PPP1R12A: variants seen among roughly 807,000 people sequenced by gnomAD.
PPP1R12A encodes the protein protein phosphatase 1 regulatory subunit 12A.
In PPP1R12A, 19 loss-of-function variants were observed where a neutral mutation model predicts 139.6. The observed-to-expected ratio is 0.14, with a 90% CI of 0.09 to 0.20. The LOEUF (loss-of-function observed/expected upper bound fraction) is 0.20, where lower values mean the gene tolerates loss of function less well. PPP1R12A is among the 10% of genes least tolerant of loss of function. PPP1R12A has a pLI of 1.00. For synonymous variants in PPP1R12A, 427 were observed against 420.6 expected, an observed-to-expected ratio of 1.02 and a Z score of -0.19; for missense variants, 925 against 1,211.5, an observed-to-expected ratio of 0.76 and a Z score of 3.51.
intron 3 of PPP1R12A, among the ~76,000 whole-genome samples, chr12:79,834,225 G>C (rs897089266): frequency 6.6e-6 from 1 of 152,140 alleles, no homozygotes; most frequent in Non-Finnish European, 1.5e-5. Flanking sequence ...GACATTACAA[G>C]AAATAAAGTG....
At position 79,909,818 on chromosome 12, in the gene PPP1R12A, G is replaced by A. The variant is rs139094205; in HGVS notation, c.237+24877C>T. On this transcript the variant is annotated intron_variant, in intron 1 of 24. Transcript: ENST00000450142. ...TGTTGTTGTTGTTGTTGTTGTTGACGATGTTTTGAGACACAGTCTCACTCT... is the reference window on the plus strand; with the variant it reads ...TGTTGTTGTTGTTGTTGTTGTTGACAATGTTTTGAGACACAGTCTCACTCT... 5.8e-4 allele frequency among the ~76,000 whole-genome samples: 88 copies of A among 151,422 alleles called. No homozygotes were observed. The East Asian group carries it at 0.014, about 24-fold the overall frequency.
At chr12:79,912,875 T>C (rs768325261) in intron 1 of PPP1R12A, among the ~76,000 whole-genome samples, 4 of 152,176 alleles carry the variant, frequency 2.6e-5, no homozygotes, top group Non-Finnish European at 5.9e-5. Flanking sequence ...ATAGAGTACG[T>C]TTCCATTGCT....
At position 79,832,553 on chromosome 12, in the gene PPP1R12A, A is replaced by G; in HGVS notation, c.488-62T>C. ...AAAAATTGTTCCATGTTGGGAAATA[A>G]AACTATCCAAAACATGTCAAGTTTA... is the stretch of plus-strand genomic sequence containing the variant. On this transcript the variant is annotated intron_variant, in intron 3 of 24. Transcript: ENST00000450142. 2.1e-6 allele frequency: 3 copies of G among 1,397,952 alleles called. No homozygotes were observed. The South Asian group carries it at 4.4e-5, about 20-fold the overall frequency. 86.6% of individuals were successfully genotyped at this position (1,397,952 alleles called of 1,614,324 possible). A position where few individuals can be genotyped will look rare whatever the true frequency, so the allele number is the denominator to read the frequency against.
intron 1 of PPP1R12A, among the ~76,000 whole-genome samples, chr12:79,873,456 T>TA (rs1242392015): frequency 6.7e-6 from 1 of 148,824 alleles, no homozygotes; most frequent in Non-Finnish European, 1.5e-5. Context: ...ACCCCACCTC[T>TA]ATTAACAGTC....
At chr12:79,793,476 C>T (rs911879700) in intron 19 of PPP1R12A, among the ~76,000 whole-genome samples, 2 of 152,202 alleles carry the variant, frequency 1.3e-5, no homozygotes, top group African/African-American at 4.8e-5. Context: ...ATTTCCACTA[C>T]TTCTGATTAT....
chr12:79,837,817 T>C (rs553587089), intron 3 of PPP1R12A, among the ~76,000 whole-genome samples: 5 of 152,346 alleles, frequency 3.3e-5, no homozygotes, highest in African/African-American at 4.8e-5. Context: ...TCCACTATGA[T>C]TGTAAGTTTC....
upstream of PPP1R12A, chr12:79,935,370 G>A (rs927566302): frequency 4.5e-5 from 45 of 999,696 alleles, no homozygotes; most frequent in Admixed American, 4.8e-4. Flanking sequence ...GGAGGAAGCG[G>A]GGAAGGAAGG....
At chr12:79,895,644 C>A (rs929415282) in intron 1 of PPP1R12A, among the ~76,000 whole-genome samples, 9 of 152,212 alleles carry the variant, frequency 5.9e-5, no homozygotes, top group Admixed American at 2.0e-4. Flanking sequence ...TAAAGGTATA[C>A]CCCAAGCCTC....
chr12:79,806,168 G>A lies in PPP1R12A; in HGVS notation c.1821C>T (p.Ser607=). The change falls in exon 13 of 25, where the codon AGC becomes AGT. Residue 607 remains serine (S), a splice_region_variant and synonymous_variant. Coordinates refer to ENST00000450142, the MANE Select transcript of PPP1R12A (RefSeq NM_002480.3). ...TTGSSSAGTQ[S]STSNRLWAED... Reference sequence around the variant, plus strand: ...CACAAAATGTATCTGTGACTTACCTGCTTTGTGTGCCTGCTGAGGAAGAAC... The same window carrying A: ...CACAAAATGTATCTGTGACTTACCTACTTTGTGTGCCTGCTGAGGAAGAAC... 1 of 1,613,774 alleles carries A rather than the reference G, an allele frequency of 6.2e-7. No individual in the cohort carries two copies.
chr12:79,812,391 C>CGTGTGTGTGTGTGTGTGTGTGT (rs1156924649), intron 9 of PPP1R12A, among the ~76,000 whole-genome samples: 170 of 134,608 alleles, frequency 1.3e-3, no homozygotes, highest in African/African-American at 4.6e-3. Flanking sequence ...TCTGTGTGTG[C>CGTGTGTGTGTGTGTGTGTGTGT]GTGTGTGTGT....
chr12:79,807,808 A>G (rs3860250), intron 11 of PPP1R12A, among the ~76,000 whole-genome samples: 138,907 of 152,010 alleles, frequency 0.91, 63,766 homozygotes, highest in Middle Eastern at 0.95. Context: ...AGAGGCCGAG[A>G]CAGGTGGATC....
intron 2 of PPP1R12A, among the ~76,000 whole-genome samples, chr12:79,858,314 A>T (rs1305525251): frequency 1.3e-5 from 2 of 152,240 alleles, no homozygotes; most frequent in African/African-American, 2.4e-5. Flanking sequence ...TTTTTCACTG[A>T]AAAGTGGTAA....
chr12:79,847,173 G>A (rs149411765), intron 2 of PPP1R12A, among the ~76,000 whole-genome samples: 79 of 152,100 alleles, frequency 5.2e-4, no homozygotes, highest in African/African-American at 1.8e-3. Context: ...ATTTATATGT[G>A]TGTAAACATA....
chr12:79,854,342 T>C (rs1240082065), intron 2 of PPP1R12A, among the ~76,000 whole-genome samples: 2 of 152,244 alleles, frequency 1.3e-5, no homozygotes, highest in Admixed American at 6.5e-5. Flanking sequence ...AAATCCAGTA[T>C]GTGCATTATA....
chr12:79,816,456 A>T (rs1314713343), intron 9 of PPP1R12A, among the ~76,000 whole-genome samples: 2 of 152,206 alleles, frequency 1.3e-5, no homozygotes, highest in East Asian at 3.9e-4. Context: ...ATAAAAAAAG[A>T]TAAAAAAAAG....
chr12:79,900,120 A>G (rs187451526), intron 1 of PPP1R12A, among the ~76,000 whole-genome samples: 1 of 152,324 alleles, frequency 6.6e-6, no homozygotes, highest in Admixed American at 6.5e-5. Context: ...CTTTCATTCA[A>G]TTGTTTAATA....
At chr12:79,863,139 C>G in intron 2 of PPP1R12A, among the ~76,000 whole-genome samples, 1 of 152,150 alleles carries the variant, frequency 6.6e-6, no homozygotes, top group East Asian at 1.9e-4. Context: ...CCCTAGAAGC[C>G]AGAAGAGAGT....
chr12:79,840,065 T>C (rs1053547768), intron 3 of PPP1R12A, among the ~76,000 whole-genome samples: 1 of 152,186 alleles, frequency 6.6e-6, no homozygotes, highest in Non-Finnish European at 1.5e-5. Context: ...TTAAATAAAA[T>C]GCAGTATGGT....
chr12:79,905,443 G>C (rs2137496518), intron 1 of PPP1R12A, among the ~76,000 whole-genome samples: 1 of 143,524 alleles, frequency 7.0e-6, no homozygotes, highest in Non-Finnish European at 1.5e-5. Flanking sequence ...TTTCACAAAA[G>C]AGTAAACAAA....
Sources: allele counts gnomAD v4.1 joint callset (sites outside exome capture counted in the v4.1 genomes callset), GRCh38; gene constraint gnomAD v4.1.1; transcripts MANE v1.5; gene names NCBI Gene and HGNC (gene_info 2026-07-23, HGNC 2026-07-21).